Variants in C2CD3 observed in about 807,000 individuals in gnomAD.
C2CD3 encodes C2 domain-containing protein 3.
A neutral mutation model predicts 234.0 loss-of-function variants in C2CD3; 148 were observed. The ratio of observed to expected loss-of-function variants is 0.63; its 90% CI spans 0.55 to 0.72. The LOEUF is 0.72. Among genes scored for constraint, C2CD3 ranks in the 30% least tolerant of loss-of-function variants. The pLI is 0.00. For synonymous variants in C2CD3, 1,000 were observed against 1,035.4 expected (o/e 0.97, Z 0.66); for missense variants, 2,577 against 2,811.5 (o/e 0.92, Z 1.89).
At position 74,132,939 on chromosome 11, in the gene C2CD3, G is replaced by A. The variant is rs114708917; in HGVS notation, c.1122C>T (p.Asp374=). The A allele has an allele frequency of 2.3e-4, 374 of 1,613,692 alleles. No homozygotes were observed. The African/African-American group carries it at 4.2e-3, about 18-fold the overall frequency. ...IRAFSRNRFK[D]HIEDHLLPST... is the part of the protein sequence containing the mutation. ...AAGGGAGGAGGTGATCTTCAATGTG[G>A]TCTTTAAACCGATTCCTAGAAAAGG... Residue 374 remains aspartate (D), a synonymous_variant, in exon 7 of 33, where the codon GAC becomes GAT. Coordinates refer to ENST00000334126, the MANE Select transcript of C2CD3 (RefSeq NM_001286577.2).
intron 10 of C2CD3, 87 bp downstream of exon 10, chr11:74,114,297 A>C: frequency 1.1e-6 from 1 of 882,028 alleles, no homozygotes; most frequent in Non-Finnish European, 1.8e-6. Flanking sequence ...CACATCCCAA[A>C]TCACAGTATT....
chr11:74,014,559 G>A (rs1445314950), intron 32 of C2CD3, among the ~76,000 whole-genome samples: 8 of 146,008 alleles, frequency 5.5e-5, no homozygotes, highest in African/African-American at 1.1e-4. Flanking sequence ...TGCGCCCAGC[G>A]AGAGTTGCTT....
intron 5 of C2CD3, among the ~76,000 whole-genome samples, chr11:74,134,632 G>A (rs923080807): frequency 1.3e-5 from 2 of 152,150 alleles, no homozygotes; most frequent in Non-Finnish European, 1.5e-5. Flanking sequence ...CTTAGAAAGT[G>A]CCCAACTCCT....
At chr11:74,082,447 T>C (rs534116859) in intron 22 of C2CD3, among the ~76,000 whole-genome samples, 30 of 152,294 alleles carry the variant, frequency 2.0e-4, no homozygotes, top group African/African-American at 6.7e-4. Context: ...GCTCTTATTA[T>C]TATGAGATAT....
chr11:74,036,896 C>A (rs760735727), intron 30 of C2CD3, among the ~76,000 whole-genome samples: 6 of 152,186 alleles, frequency 3.9e-5, no homozygotes, highest in Non-Finnish European at 7.4e-5. Flanking sequence ...TGTTGACCTA[C>A]AGTACAGCCT....
intron 15 of C2CD3, 48 bp downstream of exon 15, chr11:74,100,477 C>A: frequency 6.6e-7 from 1 of 1,514,748 alleles, no homozygotes; most frequent in Non-Finnish European, 8.9e-7. Flanking sequence ...TCAGTCCATG[C>A]AAAGTTAAAG....
Position 74,161,502 on chromosome 11 carries a change from C to T in C2CD3, c.380G>A (p.Gly127Asp), listed in dbSNP as rs926986959. 1.3e-5 allele frequency: 20 copies of T among 1,596,792 alleles called. No homozygotes were observed. The highest frequency in any genetic ancestry group is 2.7e-5 in the African/African-American group (2 of 73,926). Residue 127 changes from glycine (G) to aspartate (D), a missense_variant, in exon 3 of 33, where the codon GGT becomes GAT. Coordinates refer to ENST00000334126, the MANE Select transcript of C2CD3 (RefSeq NM_001286577.2). ...AGCTAGTCCATTGATCTGAACTCTACCAATTGGAAGACCATCAAGTTTGGT... is the reference window on the plus strand; with the variant it reads ...AGCTAGTCCATTGATCTGAACTCTATCAATTGGAAGACCATCAAGTTTGGT... ...VITKLDGLPI[G>D]RVQINGLAQL...
chr11:74,085,548 T>C, intron 21 of C2CD3, 70 bp downstream of exon 21: 8 of 1,495,968 alleles, frequency 5.3e-6, no homozygotes, highest in Non-Finnish European at 6.4e-6. Context: ...ATGTATCTCC[T>C]AGGAAGGGCT....
Position 74,033,673 on chromosome 11 carries a change from C to T in C2CD3, c.6487G>A (p.Val2163Ile), listed in dbSNP as rs550167325. The stretch of plus-strand genomic sequence containing the variant: ...TTGGCTGAGGCAGACTCGCCACCAA[C>T]CCTGGCCTTAGAGGCCTCACACTCA... The part of the protein sequence containing the change: ...ACECEASKAR[V>I]GGESASANPQ... Residue 2163 changes from valine (V) to isoleucine (I), a missense_variant, in exon 31 of 33, where the codon GTT becomes ATT. Transcript: ENST00000334126. The T allele has an allele frequency of 6.5e-7, 1 of 1,536,236 alleles. No homozygotes were observed. Among genetic ancestry groups the T allele is most frequent in the African/African-American group, 1.4e-5 (1 of 73,134 alleles).
intron 2 of C2CD3, among the ~76,000 whole-genome samples, chr11:74,164,431 C>G (rs1856675499): frequency 6.6e-6 from 1 of 152,194 alleles, no homozygotes; most frequent in African/African-American, 2.4e-5. Context: ...TTTCCTAAGG[C>G]AGTATAATAC....
chr11:74,016,198 T>C (rs991061041), intron 32 of C2CD3, among the ~76,000 whole-genome samples: 17 of 152,200 alleles, frequency 1.1e-4, no homozygotes, highest in African/African-American at 4.1e-4. Context: ...GCTGCTCAGC[T>C]AGAGAGAAGA....
At position 74,090,797 on chromosome 11, in the gene C2CD3, T is replaced by A; in HGVS notation, c.3641+16A>T. The A allele has an allele frequency of 6.2e-7, 1 of 1,614,010 alleles. No individual in the cohort carries two copies. The highest frequency in any genetic ancestry group is 1.1e-5 in the South Asian group (1 of 91,034). The stretch of plus-strand genomic sequence containing the variant: ...GTGTAAAAGGCTTGAGAATTGCTTG[T>A]CTCAGGTGGACTTACTTGGCTGCTG... On this transcript the variant is annotated intron_variant, in intron 20 of 32. Coordinates refer to ENST00000334126, the MANE Select transcript of C2CD3 (RefSeq NM_001286577.2).
chr11:74,019,269 G>A (rs549081568), intron 32 of C2CD3, among the ~76,000 whole-genome samples: 1 of 152,250 alleles, frequency 6.6e-6, no homozygotes, highest in African/African-American at 2.4e-5. Flanking sequence ...GCAGACCTAT[G>A]AGCCCCTTCC....
intron 24 of C2CD3, among the ~76,000 whole-genome samples, chr11:74,058,786 C>A (rs1048153496): frequency 1.3e-5 from 2 of 152,012 alleles, no homozygotes; most frequent in Non-Finnish European, 1.5e-5. Context: ...TCTAACTGAG[C>A]TGTCCAGGAA....
intron 7 of C2CD3, among the ~76,000 whole-genome samples, chr11:74,125,918 T>C (rs545092611): frequency 6.6e-6 from 1 of 152,178 alleles, no homozygotes; most frequent in Non-Finnish European, 1.5e-5. Context: ...CAATATGGAC[T>C]GTTTGCTCTC....
intron 4 of C2CD3, 53 bp downstream of exon 4, chr11:74,139,552 C>T: frequency 4.9e-6 from 6 of 1,212,260 alleles, no homozygotes; most frequent in Non-Finnish European, 7.4e-6. Context: ...ACAGAAATCA[C>T]AACTACAGTG....
At chr11:74,080,087 C>T (rs897000221) in intron 22 of C2CD3, among the ~76,000 whole-genome samples, 18 of 152,154 alleles carry the variant, frequency 1.2e-4, no homozygotes, top group Middle Eastern at 3.4e-3. Context: ...GATTTGGCTC[C>T]TCAATGAGTT....
At chr11:74,166,270 T>C (rs1031489672) in intron 2 of C2CD3, among the ~76,000 whole-genome samples, 3 of 150,792 alleles carry the variant, frequency 2.0e-5, no homozygotes, top group African/African-American at 7.3e-5. Flanking sequence ...TGAGCCAAGA[T>C]TGCGCCACTG....
In C2CD3 at chr11:74,090,873, G is replaced by A. The variant is rs770452847; in HGVS notation, c.3581C>T (p.Ala1194Val). Residue 1194 changes from alanine to valine, a missense_variant, in exon 20 of 33, where the codon GCC (alanine) becomes GTC (valine). Transcript: ENST00000334126. ...CTGGACTGAGATGGAAACAGTTCGG[G>A]CAGCAAGAACTCCCTCTGCTGTTCT... is the stretch of plus-strand genomic sequence containing the variant. ...SPRTAEGVLA[A>V]RTVSISVQII... The A allele has an allele frequency of 1.9e-6, 3 of 1,614,056 alleles. No individual in the cohort carries two copies. Among genetic ancestry groups the A allele is most frequent in the South Asian group, 2.2e-5 (2 of 91,070 alleles).
Sources: allele counts gnomAD v4.1 joint callset (sites outside exome capture counted in the v4.1 genomes callset), GRCh38; gene constraint gnomAD v4.1.1; transcripts MANE v1.5; gene names NCBI Gene and HGNC (gene_info 2026-07-23, HGNC 2026-07-21).